Variants in PHIP observed in about 807,000 individuals in gnomAD.
The protein encoded by PHIP is PH-interacting protein.
A neutral mutation model predicts 236.8 loss-of-function variants in PHIP; 54 were observed. The ratio of observed to expected loss-of-function variants is 0.23; its 90% confidence interval spans 0.18 to 0.29. The LOEUF (loss-of-function observed/expected upper bound fraction) is 0.29. Among genes scored for constraint, PHIP ranks in the 10% least tolerant of loss-of-function variants. PHIP has a pLI of 1.00. For missense variants in PHIP, 1,370 were observed against 2,190.8 expected (o/e 0.63, Z 7.48); for synonymous variants, 756 against 718.9 (o/e 1.05, Z -0.83).
chr6:79,036,576 T>G (rs1235173402), intron 7 of PHIP, among the ~76,000 whole-genome samples: 1 of 152,154 alleles, frequency 6.6e-6, no homozygotes, highest in Non-Finnish European at 1.5e-5. Context: ...TCTCTCTCCA[T>G]ATAACATACA....
intron 6 of PHIP, among the ~76,000 whole-genome samples, chr6:79,048,982 G>T (rs954988393): frequency 6.6e-6 from 1 of 152,064 alleles, no homozygotes; most frequent in Admixed American, 6.6e-5. Flanking sequence ...CTGCAGAATT[G>T]GGGGTACTCA....
chr6:78,973,183 C>A (rs1767741196), intron 24 of PHIP, among the ~76,000 whole-genome samples: 1 of 152,098 alleles, frequency 6.6e-6, no homozygotes. Context: ...GATCTCTCAG[C>A]AGAAACTCTA....
chr6:78,963,009 A>C, intron 30 of PHIP, 88 bp downstream of exon 30: 1 of 1,303,784 alleles, frequency 7.7e-7, no homozygotes, highest in Non-Finnish European at 1.0e-6. Flanking sequence ...GATATTGTGA[A>C]AAAAAATTTT....
At chr6:79,051,150 G>A (rs1772774248) in intron 6 of PHIP, among the ~76,000 whole-genome samples, 1 of 152,088 alleles carries the variant, frequency 6.6e-6, no homozygotes, top group South Asian at 2.1e-4. Flanking sequence ...CTCATAATTC[G>A]AGGGCCAGAA....
chr6:78,991,303 T>C (rs1221284654), intron 19 of PHIP, among the ~76,000 whole-genome samples: 2 of 151,644 alleles, frequency 1.3e-5, no homozygotes, highest in African/African-American at 2.4e-5. Context: ...AGTGAGAAAT[T>C]GGATTTTTTT....
intron 7 of PHIP, among the ~76,000 whole-genome samples, chr6:79,034,667 C>T (rs1293228785): frequency 2.0e-5 from 3 of 152,170 alleles, no homozygotes; most frequent in African/African-American, 7.2e-5. Context: ...GATACTCTGA[C>T]TACATAAATG....
intron 39 of PHIP, among the ~76,000 whole-genome samples, chr6:78,943,006 C>G (rs1209752907): frequency 6.6e-6 from 1 of 152,126 alleles, no homozygotes; most frequent in African/African-American, 2.4e-5. Context: ...AAAAGTTATG[C>G]AGCTTAGGAA....
At position 78,997,520 on chromosome 6, in the gene PHIP, G is replaced by A; in HGVS notation, c.2095C>T (p.Arg699Trp). Residue 699 changes from arginine (R) to tryptophan (W), a missense_variant, in exon 19 of 40, where the codon CGG becomes TGG. Arg to Trp is a moderately radical substitution (Grantham distance 101, BLOSUM62 -3). This residue lies in a region of PHIP where 133 missense variants were observed against 245.2 expected (regional missense o/e 0.54). Transcript: ENST00000275034. ...CTTGGTGCGTTGCTGTGCATTTGCC[G>A]TACACCTTCAATTTGTCCACTACGT... ...LRRSGQIEGV[R>W]QMHSNAPRSE... is the part of the protein sequence containing the mutation. 6.2e-7 allele frequency: 1 copy of A among 1,613,892 alleles called. No individual in the cohort carries two copies.
intron 9 of PHIP, among the ~76,000 whole-genome samples, chr6:79,023,853 T>C (rs1042595352): frequency 6.6e-6 from 1 of 152,166 alleles, no homozygotes; most frequent in Admixed American, 6.5e-5. Context: ...CATTTTCTGT[T>C]CCTATCCCAA....
intron 4 of PHIP, among the ~76,000 whole-genome samples, chr6:79,062,616 G>C (rs1278795351): frequency 2.0e-5 from 3 of 152,182 alleles, no homozygotes; most frequent in Non-Finnish European, 4.4e-5. Context: ...TTTTCAGGTA[G>C]TGAAACTGAA....
In PHIP at chr6:79,077,726, G is replaced by A. The variant is rs1774253634; in HGVS notation, c.103C>T (p.Leu35=). The A allele has an allele frequency of 9.9e-7, 1 of 1,013,016 alleles. No homozygotes were observed. Among genetic ancestry groups the A allele is most frequent in the Admixed American group, 5.7e-5 (1 of 17,496 alleles). The allele number at this position is 1,013,016 out of a possible 1,614,324, so 62.8% of individuals were successfully genotyped here. The change falls in exon 3 of 40, where the codon CTG becomes TTG. Residue 35 remains leucine (L), a synonymous_variant. Transcript: ENST00000275034. ...DGPCQQAAQV[L]IREVAEKELL... ...TCCTTCTCGGCCACCTCGCGGATCAGCACCTGCAACAACAAAGCGGGGAGA... is the reference window on the plus strand; with the variant it reads ...TCCTTCTCGGCCACCTCGCGGATCAACACCTGCAACAACAAAGCGGGGAGA...
intron 24 of PHIP, among the ~76,000 whole-genome samples, chr6:78,973,950 AACATTAG>A (rs1297816667): frequency 1.3e-5 from 2 of 152,088 alleles, no homozygotes; most frequent in African/African-American, 4.8e-5. Context: ...CCCCACTGTC[AACATTAG>A]ACAGATCAAC....
At chr6:79,018,814 C>A (rs1247405883) in intron 10 of PHIP, among the ~76,000 whole-genome samples, 6 of 151,942 alleles carry the variant, frequency 3.9e-5, no homozygotes, top group African/African-American at 1.4e-4. Context: ...CATTCTTTAA[C>A]AGGGTCGATT....
At chr6:79,056,842 C>T (rs1307181364) in intron 6 of PHIP, among the ~76,000 whole-genome samples, 1 of 152,112 alleles carries the variant, frequency 6.6e-6, no homozygotes, top group African/African-American at 2.4e-5. Flanking sequence ...CAACTCCAGA[C>T]CCTAGCCCAG....
chr6:78,977,682 A>G (rs1768206127), intron 24 of PHIP, among the ~76,000 whole-genome samples: 1 of 152,186 alleles, frequency 6.6e-6, no homozygotes, highest in African/African-American at 2.4e-5. Context: ...ATGTTGAAAT[A>G]ATGTATTAAA....
In PHIP at chr6:78,935,999, T is replaced by C. The variant is rs923760964; in HGVS notation, c.*4694A>G. 2.0e-5 allele frequency: 3 copies of C among 152,394 alleles called. No individual in the cohort carries two copies. The highest frequency in any genetic ancestry group is 7.2e-5 in the African/African-American group (3 of 41,418). 9.4% of individuals were successfully genotyped at this position (152,394 alleles called of 1,614,324 possible). On this transcript the variant is annotated 3_prime_UTR_variant, in exon 40 of 40. Coordinates refer to ENST00000275034, the MANE Select transcript of PHIP (RefSeq NM_017934.7). ...AAAGAATTATGCATCAAAACTAACA[T>C]AGAAAGTGTCCACGTAACAGTAAAG...
At chr6:79,028,932 A>C (rs1436846151) in intron 7 of PHIP, among the ~76,000 whole-genome samples, 3 of 152,212 alleles carry the variant, frequency 2.0e-5, no homozygotes, top group Non-Finnish European at 4.4e-5. Context: ...GAAAGGAGCA[A>C]TGGTAATCTG....
chr6:79,071,503 TTTTAAA>T (rs1773881532), intron 4 of PHIP, among the ~76,000 whole-genome samples: 2 of 152,230 alleles, frequency 1.3e-5, no homozygotes, highest in African/African-American at 4.8e-5. Flanking sequence ...CTTTCTAAAA[TTTTAAA>T]TTTGATTCCT....
intron 4 of PHIP, among the ~76,000 whole-genome samples, chr6:79,061,393 C>T (rs1030954037): frequency 6.6e-6 from 1 of 151,994 alleles, no homozygotes. Flanking sequence ...TTATGAATAA[C>T]ACTATATTAG....
Sources: allele counts gnomAD v4.1 joint callset (sites outside exome capture counted in the v4.1 genomes callset), GRCh38; gene constraint gnomAD v4.1.1; regional missense constraint gnomAD v4.1.1; transcripts MANE v1.5; gene names NCBI Gene and HGNC (gene_info 2026-07-23, HGNC 2026-07-21).